Variants in CSNK1G2 observed in about 807,000 individuals in gnomAD.
CSNK1G2 encodes casein kinase I isoform gamma-2.
A neutral mutation model predicts 48.0 loss-of-function variants in CSNK1G2; 11 were observed. That is an observed-to-expected ratio of 0.23 (90% CI 0.14 to 0.38). The LOEUF (loss-of-function observed/expected upper bound fraction) is 0.38. CSNK1G2 is among the 10% of genes least tolerant of loss of function. The probability of loss-of-function intolerance (pLI) is 1.00; values close to 1 mark genes in which losing one functional copy is unlikely to be tolerated. For missense variants in CSNK1G2, 446 were observed against 595.5 expected, an observed-to-expected ratio of 0.75 and a Z score of 2.61; for synonymous variants, 337 against 254.1, an observed-to-expected ratio of 1.33 and a Z score of -3.10.
At chr19:1,953,877 C>A (rs369487837) in intron 1 of CSNK1G2, 8 of 533,756 alleles carry the variant, frequency 1.5e-5, no homozygotes, top group African/African-American at 3.9e-5. Flanking sequence ...CGACCTGTGA[C>A]GGCTCAGCTG....
At chr19:1,947,702 G>C (rs1239457479) in intron 1 of CSNK1G2, among the ~76,000 whole-genome samples, 4 of 152,234 alleles carry the variant, frequency 2.6e-5, no homozygotes, top group Non-Finnish European at 5.9e-5. Context: ...GGAGCCTGCA[G>C]GTGGGCTGGG....
intron 1 of CSNK1G2, among the ~76,000 whole-genome samples, chr19:1,944,492 C>T (rs2014482043): frequency 6.6e-6 from 1 of 152,198 alleles, no homozygotes; most frequent in South Asian, 2.1e-4. Flanking sequence ...CTGACTCCCA[C>T]ACCTGTGCTT....
intron 2 of CSNK1G2, among the ~76,000 whole-genome samples, chr19:1,970,276 C>T (rs1027669379): frequency 1.3e-5 from 2 of 152,246 alleles, no homozygotes; most frequent in African/African-American, 4.8e-5. Context: ...CTTTCATGGC[C>T]CATGTGCACG....
chr19:1,954,133 A>C, intron 1 of CSNK1G2: 1 of 438,712 alleles, frequency 2.3e-6, no homozygotes, highest in Non-Finnish European at 4.6e-6. Context: ...GATGCGTTAA[A>C]CCCATTACCG....
At chr19:1,970,323 C>T (rs2015523883) in intron 2 of CSNK1G2, among the ~76,000 whole-genome samples, 1 of 152,368 alleles carries the variant, frequency 6.6e-6, no homozygotes, top group African/African-American at 2.4e-5. Flanking sequence ...AGGTGCCTGC[C>T]CGGCACTCAG....
Position 1,975,999 on chromosome 19 carries a change from C to T in CSNK1G2, c.188-2306C>T, listed in dbSNP as rs916576747. On this transcript the variant is annotated intron_variant, in intron 2 of 11. Coordinates refer to ENST00000255641, the MANE Select transcript of CSNK1G2 (RefSeq NM_001319.7). ...CCAGTGAGCCGTGATCGCGCCAGTG[C>T]ACTCCAGCCTGGGCAACAGAACGAG... The T allele has an allele frequency of 6.1e-6, 7 of 1,153,628 alleles. No homozygotes were observed. In the Admixed American group the frequency reaches 1.4e-4, roughly 23 times the overall value. The allele number at this position is 1,153,628 out of a possible 1,614,324, so 71.5% of individuals were successfully genotyped here. A position where few individuals can be genotyped will look rare whatever the true frequency, so the allele number is the denominator to read the frequency against.
At chr19:1,955,530 G>A (rs564168386) in intron 1 of CSNK1G2, among the ~76,000 whole-genome samples, 2 of 151,814 alleles carry the variant, frequency 1.3e-5, no homozygotes, top group Admixed American at 1.3e-4. Context: ...GGCTCCGCGG[G>A]GTGGGCGTGT....
At chr19:1,975,806 T>C (rs1448683716) in intron 2 of CSNK1G2, 1 of 976,436 alleles carries the variant, frequency 1.0e-6, no homozygotes, top group Non-Finnish European at 1.2e-6. Flanking sequence ...GAGGCTGATG[T>C]GGGCGGATCA....
At chr19:1,958,101 C>G (rs1261782500) in intron 1 of CSNK1G2, among the ~76,000 whole-genome samples, 2 of 152,110 alleles carry the variant, frequency 1.3e-5, no homozygotes, top group Non-Finnish European at 2.9e-5. Context: ...GGGGCCCCTC[C>G]CGAGCAGGTC....
In CSNK1G2 at chr19:1,980,255, C is replaced by T. The variant is rs1453006746; in HGVS notation, c.*52C>T. The T allele has an allele frequency of 1.2e-6, 2 of 1,603,634 alleles. No homozygotes were observed. The highest frequency in any genetic ancestry group is 1.7e-6 in the Non-Finnish European group (2 of 1,172,756). ...CTTCTCCGTGCAGCCCCTTGGGGCG[C>T]GACCTTGTGCGAGGCCCTCGGGGCC... On this transcript the variant is annotated 3_prime_UTR_variant, in exon 12 of 12. Transcript: ENST00000255641.
At chr19:1,945,793 G>T (rs1175442912) in intron 1 of CSNK1G2, among the ~76,000 whole-genome samples, 2 of 147,430 alleles carry the variant, frequency 1.4e-5, no homozygotes, top group African/African-American at 2.5e-5. Flanking sequence ...CTGCACTCCA[G>T]CCTGGGCAAC....
chr19:1,980,307 C>A lies in CSNK1G2; in HGVS notation c.*104C>A. ...ACCCACAGCGGCCCAGGGCCAGACC[C>A]TGGCTGGAAGCCAGAACGCAGACTG... On this transcript the variant is annotated 3_prime_UTR_variant, in exon 12 of 12. Coordinates refer to ENST00000255641, the MANE Select transcript of CSNK1G2 (RefSeq NM_001319.7). The A allele has an allele frequency of 1.4e-6, 2 of 1,439,988 alleles. No homozygotes were observed. Among genetic ancestry groups the A allele is most frequent in the Non-Finnish European group, 1.9e-6 (2 of 1,034,806 alleles). 89.2% of individuals were successfully genotyped at this position (1,439,988 alleles called of 1,614,324 possible).
At chr19:1,970,052 C>G (rs1568198467) in intron 2 of CSNK1G2, 93 bp downstream of exon 2, 21 of 1,086,978 alleles carry the variant, frequency 1.9e-5, no homozygotes, top group Admixed American at 4.0e-5. Context: ...CCCGGGGTCA[C>G]TGGAGCCTCT....
At chr19:1,950,973 A>G (rs1284963483) in intron 1 of CSNK1G2, among the ~76,000 whole-genome samples, 1 of 146,116 alleles carries the variant, frequency 6.8e-6, no homozygotes, top group African/African-American at 2.6e-5. Context: ...CCCAGTTTTC[A>G]GGGGAGACCA....
At chr19:1,973,464 C>T (rs550377275) in intron 2 of CSNK1G2, among the ~76,000 whole-genome samples, 3 of 152,352 alleles carry the variant, frequency 2.0e-5, no homozygotes, top group African/African-American at 7.2e-5. Context: ...CCCGCCTTGG[C>T]CTCTGAAAGT....
intron 2 of CSNK1G2, chr19:1,974,660 TC>T (rs1372256983): frequency 6.6e-6 from 1 of 151,948 alleles, no homozygotes; most frequent in Non-Finnish European, 1.5e-5. Context: ...GCTGAGTTTG[TC>T]CCCGTGGCTC....
rs367887585 is a variant in CSNK1G2 at position 1,944,301 on chromosome 19, G to C, written c.-266+2883G>C. ...GTGCAAGGCCGTCTGAGTGAGGCCT[G>C]CAGTCTGGAGGCTCCCTAGGTCGGG... is the stretch of plus-strand genomic sequence containing the variant. On this transcript the variant is annotated intron_variant, in intron 1 of 11. Coordinates refer to ENST00000255641, the MANE Select transcript of CSNK1G2 (RefSeq NM_001319.7). 3.9e-5 allele frequency among the ~76,000 whole-genome samples: 6 copies of C among 152,136 alleles called. No homozygotes were observed. In the East Asian group the frequency reaches 9.7e-4, roughly 24 times the overall value.
rs143125011 is a variant in CSNK1G2, at chr19:1,959,828, A to C, written c.-265-9680A>C. On this transcript the variant is annotated intron_variant, in intron 1 of 11. Coordinates refer to ENST00000255641, the MANE Select transcript of CSNK1G2 (RefSeq NM_001319.7). ...CAGCACCCGCCCCACCTTTAGTACC[A>C]CCCTGAGTCCCCCAGCACCTGTGCC... is the stretch of plus-strand genomic sequence containing the variant. Among the ~76,000 whole-genome samples the C allele has an allele frequency of 6.4e-3, 627 of 98,706 alleles. 88 individuals carry two copies. The highest frequency in any genetic ancestry group is 0.014 in the East Asian group (41 of 2,952). 64.8% of individuals were successfully genotyped at this position (98,706 alleles called of 152,430 possible). A position where few individuals can be genotyped will look rare whatever the true frequency, so the allele number is the denominator to read the frequency against.
intron 2 of CSNK1G2, 87 bp downstream of exon 2, chr19:1,970,046 G>C (rs2015512528): frequency 8.7e-7 from 1 of 1,150,604 alleles, no homozygotes; most frequent in East Asian, 3.0e-5. Context: ...GGGCCGCCCG[G>C]GGTCACTGGA....
Sources: gnomAD v4.1 joint callset for allele counts (sites outside exome capture counted in the v4.1 genomes callset) on GRCh38, gnomAD v4.1.1 for gene constraint, MANE v1.5 for transcripts, NCBI Gene and HGNC (gene_info 2026-07-23, HGNC 2026-07-21) for gene names.